Variants in PRKN observed in about 807,000 individuals in gnomAD.
PRKN encodes the protein E3 ubiquitin-protein ligase parkin.
Under a neutral mutation model 59.5 loss-of-function variants are expected in PRKN, and 56 were observed. That is an observed-to-expected ratio of 0.94 (90% CI 0.76 to 1.18). The LOEUF is 1.18. Ranked by LOEUF, PRKN falls within the 50% of genes most tolerant of loss-of-function variation. PRKN has a pLI of 0.00. For synonymous variants in PRKN, 250 were observed against 222.1 expected, an observed-to-expected ratio of 1.13 and a Z score of -1.12; for missense variants, 657 against 596.4, an observed-to-expected ratio of 1.10 and a Z score of -1.06.
In PRKN at chr6:161,355,356, A is replaced by G. The variant is rs151119820; in HGVS notation, c.1285+4732T>C. Among the ~76,000 whole-genome samples the G allele has an allele frequency of 4.1e-3, 622 of 152,272 alleles. 4 individuals carry two copies. Among genetic ancestry groups the G allele is most frequent in the African/African-American group, 0.014 (600 of 41,542 alleles). ...GTTATTTTATTAAAAAGATCGGTTT[A>G]TGTGTATATCTCTAAACTTTACAAG... On this transcript the variant is annotated intron_variant, in intron 11 of 11. Transcript: ENST00000366898. This position sits in a 1 kb window ranked among gnomAD's most constrained non-coding sequence, Gnocchi z 6.8.
At chr6:162,322,675 T>C (rs1411868425) in intron 2 of PRKN, among the ~76,000 whole-genome samples, 1 of 152,116 alleles carries the variant, frequency 6.6e-6, no homozygotes, top group African/African-American at 2.4e-5. Context: ...GGCAATTTAA[T>C]TGATAAAGGA....
At position 161,471,827 on chromosome 6, in the gene PRKN, A is replaced by C. The variant is rs952906404; in HGVS notation, c.1083+77027T>G. ...TAACATACAATAAATGCATCTATGAAAGATTAAATTAATCTAAGGTAACAC... is the reference window on the plus strand; with the variant it reads ...TAACATACAATAAATGCATCTATGACAGATTAAATTAATCTAAGGTAACAC... On this transcript the variant is annotated intron_variant, in intron 9 of 11. Transcript: ENST00000366898. This position sits in a 1 kb window ranked among gnomAD's most constrained non-coding sequence, Gnocchi z 4.5. Among the ~76,000 whole-genome samples, 1 of 152,218 alleles carries C rather than the reference A, an allele frequency of 6.6e-6. No homozygotes were observed. Among genetic ancestry groups the C allele is most frequent in the Non-Finnish European group, 1.5e-5 (1 of 68,028 alleles).
At chr6:162,548,418 A>G (rs954423895) in intron 1 of PRKN, among the ~76,000 whole-genome samples, 16 of 152,140 alleles carry the variant, frequency 1.1e-4, no homozygotes, top group African/African-American at 3.6e-4. Context: ...GTTTCTGCCT[A>G]TATTTCCTGA....
intron 4 of PRKN, among the ~76,000 whole-genome samples, chr6:162,060,247 G>A (rs1562489323): frequency 1.3e-5 from 2 of 152,194 alleles, no homozygotes; most frequent in East Asian, 3.8e-4. Flanking sequence ...AAATTACAAT[G>A]AAAACCTTAG....
chr6:161,721,857 A>C (rs2128185529), intron 7 of PRKN, among the ~76,000 whole-genome samples: 1 of 152,324 alleles, frequency 6.6e-6, no homozygotes, highest in African/African-American at 2.4e-5. Context: ...ATTCCATGTG[A>C]ATCTCAGTTT....
At chr6:161,476,232 C>A (rs1442874647) in intron 9 of PRKN, among the ~76,000 whole-genome samples, 1 of 151,766 alleles carries the variant, frequency 6.6e-6, no homozygotes, top group East Asian at 1.9e-4. Context: ...AACTGTTCAT[C>A]AAACTGCCAA....
intron 3 of PRKN, among the ~76,000 whole-genome samples, chr6:162,254,130 C>G (rs548907637): frequency 1.3e-5 from 2 of 152,076 alleles, no homozygotes; most frequent in Non-Finnish European, 2.9e-5. Flanking sequence ...CCGTCTTTGA[C>G]TAGGTAAAGA....
At chr6:161,957,334 G>A (rs908361311) in intron 6 of PRKN, among the ~76,000 whole-genome samples, 1 of 151,906 alleles carries the variant, frequency 6.6e-6, no homozygotes, top group Non-Finnish European at 1.5e-5. Context: ...TAAATGACTA[G>A]TTCAAGTTTA....
chr6:161,757,453 G>A (rs931861054), intron 7 of PRKN, among the ~76,000 whole-genome samples: 5 of 151,860 alleles, frequency 3.3e-5, no homozygotes, highest in African/African-American at 9.7e-5. Flanking sequence ...CAGAGACTCC[G>A]TGTCACCATA....
At chr6:162,493,906 C>T (rs9346916) in intron 1 of PRKN, among the ~76,000 whole-genome samples, 47,595 of 152,030 alleles carry the variant, frequency 0.31, 7,759 homozygotes, top group East Asian at 0.46. Flanking sequence ...ACTGGACTTC[C>T]CCATTTGTGA....
At chr6:162,431,923 C>T (rs78676725) in intron 2 of PRKN, among the ~76,000 whole-genome samples, 4,754 of 152,042 alleles carry the variant, frequency 0.031, 274 homozygotes, top group African/African-American at 0.11. Flanking sequence ...AAAGTAATAC[C>T]CCTTGATATT....
In PRKN at chr6:162,464,490, C is replaced by G. The variant is rs536202038; in HGVS notation, c.8-21017G>C. On this transcript the variant is annotated intron_variant, in intron 1 of 11. Coordinates refer to ENST00000366898, the MANE Select transcript of PRKN (RefSeq NM_004562.3). ...TAGCACTAATATGTAATGGAGCAAA[C>G]TTTCAAAGTCACATTCTATTTCATT... Among the ~76,000 whole-genome samples the G allele has an allele frequency of 2.6e-5, 4 of 151,970 alleles. No homozygotes were observed. The South Asian group carries it at 8.3e-4, about 32-fold the overall frequency.
intron 2 of PRKN, among the ~76,000 whole-genome samples, chr6:162,268,101 C>A (rs151008410): frequency 8.5e-5 from 13 of 152,074 alleles, no homozygotes; most frequent in Middle Eastern, 3.4e-3. Context: ...TATACTTAGC[C>A]GTATATTGCA....
chr6:162,252,646 C>G (rs1779482954), intron 3 of PRKN, among the ~76,000 whole-genome samples: 1 of 152,194 alleles, frequency 6.6e-6, no homozygotes, highest in Admixed American at 6.5e-5. Context: ...GAGGGCACGG[C>G]TGGAAGGCAC....
chr6:162,650,599 A>T (rs1334852558), intron 1 of PRKN, among the ~76,000 whole-genome samples: 1 of 146,136 alleles, frequency 6.8e-6, no homozygotes, highest in South Asian at 2.2e-4. Context: ...CTCCGTCTCA[A>T]AAAAAAAAAA....
intron 7 of PRKN, among the ~76,000 whole-genome samples, chr6:161,724,951 A>C (rs569085909): frequency 6.6e-6 from 1 of 152,296 alleles, no homozygotes; most frequent in South Asian, 2.1e-4. Context: ...AGTTCTCATA[A>C]GATCTGGTTA....
At chr6:161,506,043 T>C (rs1033199541) in intron 9 of PRKN, among the ~76,000 whole-genome samples, 3 of 151,438 alleles carry the variant, frequency 2.0e-5, no homozygotes, top group African/African-American at 4.8e-5. Flanking sequence ...TTTAAAGTAG[T>C]TTTTTCCAAT....
intron 6 of PRKN, among the ~76,000 whole-genome samples, chr6:161,853,011 T>C (rs918397254): frequency 3.3e-5 from 5 of 152,150 alleles, no homozygotes; most frequent in Non-Finnish European, 7.3e-5. Context: ...TTTATGTCAG[T>C]TTTAAGAGAC....
chr6:162,009,596 T>C (rs1001677599), intron 5 of PRKN, among the ~76,000 whole-genome samples: 28 of 151,698 alleles, frequency 1.8e-4, no homozygotes, highest in African/African-American at 5.6e-4. Flanking sequence ...ACACTAAATA[T>C]AAAAATTGCC....
Sources: allele counts gnomAD v4.1 joint callset (sites outside exome capture counted in the v4.1 genomes callset), GRCh38; gene constraint gnomAD v4.1.1; non-coding constraint Gnocchi (gnomAD v3.1); transcripts MANE v1.5; gene names NCBI Gene and HGNC (gene_info 2026-07-23, HGNC 2026-07-21).